The following MRC1 variants were observed in gnomAD, a reference collection of about 807,000 sequenced individuals.
MRC1 encodes the protein mannose receptor C-type 1, also known as macrophage mannose receptor 1.
MRC1 carries 62 observed loss-of-function variants against 102.9 expected under a neutral mutation model. The observed-to-expected ratio is 0.60, with a 90% CI of 0.49 to 0.74. The LOEUF (loss-of-function observed/expected upper bound fraction) is 0.74, where lower values mean the gene tolerates loss of function less well. Ranked by LOEUF, MRC1 falls within the 30% of genes least tolerant of loss-of-function variation. The probability of loss-of-function intolerance (pLI) is 0.00; values close to 1 mark genes in which losing one functional copy is unlikely to be tolerated. For missense variants in MRC1, 1,237 were observed against 862.8 expected (o/e 1.43, Z -5.43); for synonymous variants, 457 against 298.4 (o/e 1.53, Z -5.48).
intron 26 of MRC1, among the ~76,000 whole-genome samples, chr10:17,903,547 C>A (rs1833858386): frequency 6.6e-6 from 1 of 151,550 alleles, no homozygotes. Flanking sequence ...AGGCACATGC[C>A]ACCTTGCCCA....
intron 2 of MRC1, among the ~76,000 whole-genome samples, chr10:17,826,758 A>G (rs1838481938): frequency 6.6e-6 from 1 of 152,226 alleles, no homozygotes; most frequent in Non-Finnish European, 1.5e-5. Flanking sequence ...TAACATTTCT[A>G]GTTGAACCCA....
intron 26 of MRC1, among the ~76,000 whole-genome samples, chr10:17,905,732 G>C (rs1375067525): frequency 6.6e-6 from 1 of 152,110 alleles, no homozygotes; most frequent in Non-Finnish European, 1.5e-5. Flanking sequence ...AGTAATATGG[G>C]ATACAGGCAT....
In MRC1 at chr10:17,898,280, A is replaced by G; in HGVS notation, c.3483+14A>G. The G allele has an allele frequency of 1.3e-6, 1 of 780,842 alleles. No homozygotes were observed. 48.4% of individuals were successfully genotyped at this position (780,842 alleles called of 1,614,324 possible). On this transcript the variant is annotated intron_variant, in intron 24 of 29. Transcript: ENST00000569591. Reference sequence around the variant, plus strand: ...AACAGTAACTTGGTAAGATGCTGGAAATATGTGCAACTTGACATGATCAGT... The same window carrying G: ...AACAGTAACTTGGTAAGATGCTGGAGATATGTGCAACTTGACATGATCAGT...
intron 11 of MRC1, 50 bp from the exon 12 acceptor site, chr10:17,866,512 C>G: frequency 1.3e-6 from 1 of 780,814 alleles, no homozygotes. Flanking sequence ...GCACGGCAGG[C>G]CTTCAGCAGG....
intron 22 of MRC1, among the ~76,000 whole-genome samples, chr10:17,891,252 C>A (rs1458459919): frequency 6.6e-6 from 1 of 151,448 alleles, no homozygotes; most frequent in East Asian, 1.9e-4. Flanking sequence ...CTACAAGCAC[C>A]GCCTCCCGGG....
chr10:17,906,894 C>T lies in MRC1; in HGVS notation c.3808C>T (p.Leu1270=). The T allele has an allele frequency of 1.3e-6, 1 of 786,690 alleles. No homozygotes were observed. The highest frequency in any genetic ancestry group is 2.4e-6 in the Non-Finnish European group (1 of 423,402). 48.7% of individuals were successfully genotyped at this position (786,690 alleles called of 1,614,324 possible). A position where few individuals can be genotyped will look rare whatever the true frequency, so the allele number is the denominator to read the frequency against. The change falls in exon 27 of 30, where the codon CTG becomes TTG. Residue 1270 remains leucine, a synonymous_variant. Coordinates refer to ENST00000569591, the MANE Select transcript of MRC1 (RefSeq NM_002438.4). ...CCTTTTACGCTTTCTAGGTTCCTCT[C>T]TGGTTTCCATTGAAAGTGCTGCAGA... ...SLECLRMGSS[L]VSIESAAESS...
At chr10:17,891,113 G>A (rs1833666461) in intron 22 of MRC1, among the ~76,000 whole-genome samples, 1 of 150,718 alleles carries the variant, frequency 6.6e-6, no homozygotes. Context: ...TCTGCGTGAT[G>A]GTGAGTTGTA....
chr10:17,841,403 A>G (rs1016897426), intron 5 of MRC1, among the ~76,000 whole-genome samples: 1 of 152,202 alleles, frequency 6.6e-6, no homozygotes, highest in Non-Finnish European at 1.5e-5. Context: ...ATACTATCTC[A>G]GTTACAGCTT....
chr10:17,832,085 G>C lies in MRC1; in HGVS notation c.638-1590G>C, dbSNP rs1367190723. Among the ~76,000 whole-genome samples, 3 of 151,584 alleles carry C rather than the reference G, an allele frequency of 2.0e-5. No individual in the cohort carries two copies. In the East Asian group the frequency reaches 5.8e-4, roughly 29 times the overall value. On this transcript the variant is annotated intron_variant, in intron 3 of 29. Transcript: ENST00000569591. Reference sequence around the variant, plus strand: ...ATCTGAAGTCAAGTCTCCAGTGAGCGATAGGACCTCAGGTGCAGGCCCAGG... The same window carrying C: ...ATCTGAAGTCAAGTCTCCAGTGAGCCATAGGACCTCAGGTGCAGGCCCAGG...
At chr10:17,885,762 T>C (rs1215653612) in intron 22 of MRC1, among the ~76,000 whole-genome samples, 3 of 151,978 alleles carry the variant, frequency 2.0e-5, no homozygotes, top group Non-Finnish European at 4.4e-5. Flanking sequence ...GTAGCTGTTT[T>C]AGTATTTGGG....
chr10:17,840,979 G>T (rs1337308641), intron 5 of MRC1, among the ~76,000 whole-genome samples, 173 bp downstream of exon 5: 1 of 152,166 alleles, frequency 6.6e-6, no homozygotes, highest in Admixed American at 6.5e-5. Context: ...TTACTGAATT[G>T]TAAGGTTATA....
chr10:17,909,487 G>T (rs1463991843), intron 29 of MRC1, 140 bp downstream of exon 29: 2 of 662,896 alleles, frequency 3.0e-6, no homozygotes, highest in Non-Finnish European at 5.5e-6. Flanking sequence ...TTTGTCATCA[G>T]CCTACTTTGA....
intron 15 of MRC1, among the ~76,000 whole-genome samples, chr10:17,873,094 T>C (rs1833377319): frequency 6.6e-6 from 1 of 152,214 alleles, no homozygotes; most frequent in Non-Finnish European, 1.5e-5. Flanking sequence ...TCTACTCTTG[T>C]AGATGTTAAA....
intron 2 of MRC1, among the ~76,000 whole-genome samples, chr10:17,825,700 T>G (rs1838465105): frequency 2.6e-5 from 4 of 152,186 alleles, no homozygotes. Context: ...CGCCACCTAC[T>G]GCAGCCTGTG....
intron 1 of MRC1, among the ~76,000 whole-genome samples, chr10:17,821,970 T>A (rs1405797072): frequency 2.0e-5 from 3 of 152,210 alleles, no homozygotes; most frequent in African/African-American, 7.2e-5. Flanking sequence ...AGCACTCAGT[T>A]ACTTTCATTT....
chr10:17,816,632 C>T (rs1838317340), intron 1 of MRC1, among the ~76,000 whole-genome samples: 3 of 152,316 alleles, frequency 2.0e-5, no homozygotes, highest in Middle Eastern at 3.4e-3. Context: ...AGGCGTGGTG[C>T]TGGCGTTTGG....
intron 8 of MRC1, among the ~76,000 whole-genome samples, chr10:17,855,571 CAAAAAAAA>C (rs35692453): frequency 2.1e-4 from 9 of 42,084 alleles, no homozygotes; most frequent in Admixed American, 1.1e-3. Context: ...GACTCCGTCT[CAAAAAAAA>C]AAAAAAAAAA....
rs565133806 is a variant in MRC1, at chr10:17,863,806, T to A, written c.1783+124T>A. On this transcript the variant is annotated intron_variant, in intron 11 of 29. Transcript: ENST00000569591. ...ATTAGTCATGCTTTTAGTAACAATTTATATTTCATTCTCTTTTCGTTTTTT... is the reference window on the plus strand; with the variant it reads ...ATTAGTCATGCTTTTAGTAACAATTAATATTTCATTCTCTTTTCGTTTTTT... The A allele has an allele frequency of 1.9e-5, 13 of 672,668 alleles. No homozygotes were observed. The African/African-American group carries it at 2.3e-4, about 12-fold the overall frequency. 41.7% of individuals were successfully genotyped at this position (672,668 alleles called of 1,614,324 possible).
chr10:17,858,261 G>A (rs1282711731), intron 9 of MRC1, among the ~76,000 whole-genome samples: 5 of 151,956 alleles, frequency 3.3e-5, no homozygotes, highest in African/African-American at 9.7e-5. Context: ...ATACTTTCTC[G>A]TGGCCTTATT....
Sources: gnomAD v4.1 joint callset for allele counts (sites outside exome capture counted in the v4.1 genomes callset) on GRCh38, gnomAD v4.1.1 for gene constraint, MANE v1.5 for transcripts, NCBI Gene and HGNC (gene_info 2026-07-23, HGNC 2026-07-21) for gene names.